COL4A1: variants seen among roughly 807,000 people sequenced by gnomAD.
COL4A1 encodes the protein collagen alpha-1(IV) chain.
Under a neutral mutation model 216.6 loss-of-function variants are expected in COL4A1, and 40 were observed. The observed-to-expected ratio is 0.18, with a 90% confidence interval of 0.14 to 0.24. COL4A1 has a LOEUF of 0.24. Ranked by LOEUF, COL4A1 falls within the 10% of genes least tolerant of loss-of-function variation. COL4A1 has a pLI of 1.00. For synonymous variants in COL4A1, 839 were observed against 810.7 expected, an observed-to-expected ratio of 1.03 and a Z score of -0.59; for missense variants, 1,628 against 2,196.8, an observed-to-expected ratio of 0.74 and a Z score of 5.18.
intron 1 of COL4A1, among the ~76,000 whole-genome samples, chr13:110,294,730 G>A (rs552097514): frequency 6.6e-6 from 1 of 152,300 alleles, no homozygotes; most frequent in East Asian, 1.9e-4. Flanking sequence ...AAATAGCAGA[G>A]AGGGATATCC....
chr13:110,180,846 C>T (rs1200116246), intron 29 of COL4A1, among the ~76,000 whole-genome samples: 1 of 152,152 alleles, frequency 6.6e-6, no homozygotes, highest in Admixed American at 6.5e-5. Context: ...AGGGCTGCTC[C>T]TGTCAAAAGC....
In COL4A1 at chr13:110,186,373, C is replaced by G; in HGVS notation, c.1897+12G>C. 6.2e-7 allele frequency: 1 copy of G among 1,612,782 alleles called. No homozygotes were observed. The highest frequency in any genetic ancestry group is 8.5e-7 in the Non-Finnish European group (1 of 1,180,032). Reference sequence around the variant, plus strand: ...CAACTTCATGCTGCATCACGAGTTTCTCAGGCCTCACCTGGCAGGCCTGGG... The same window carrying G: ...CAACTTCATGCTGCATCACGAGTTTGTCAGGCCTCACCTGGCAGGCCTGGG... On this transcript the variant is annotated intron_variant, in intron 26 of 51. Coordinates refer to ENST00000375820, the MANE Select transcript of COL4A1 (RefSeq NM_001845.6).
At chr13:110,270,615 G>A (rs956517784) in intron 1 of COL4A1, among the ~76,000 whole-genome samples, 1 of 152,158 alleles carries the variant, frequency 6.6e-6, no homozygotes, top group African/African-American at 2.4e-5. Context: ...GGGGCAGATG[G>A]GAACGAGGTC....
In COL4A1 at chr13:110,150,145, T is replaced by TCAAAA; in HGVS notation, c.*217_*218insTTTTG. The TCAAAA allele has an allele frequency of 1.7e-6, 1 of 601,052 alleles. No individual in the cohort carries two copies. The highest frequency in any genetic ancestry group is 1.9e-5 in the South Asian group (1 of 52,770). The allele number at this position is 601,052 out of a possible 1,614,324, so 37.2% of individuals were successfully genotyped here. On this transcript the variant is annotated 3_prime_UTR_variant, in exon 52 of 52. Coordinates refer to ENST00000375820, the MANE Select transcript of COL4A1 (RefSeq NM_001845.6). ...ATTTTATTTCATCAAAAGTGCCATT[T>TCAAAA]GGTATGCCACTATTGAAAGCTTATC...
intron 21 of COL4A1, among the ~76,000 whole-genome samples, chr13:110,196,493 T>C (rs962380456): frequency 1.3e-5 from 2 of 152,160 alleles, no homozygotes; most frequent in African/African-American, 2.4e-5. Flanking sequence ...CTCAAGAATA[T>C]TGAGAGACAT....
At chr13:110,291,057 G>C (rs368200997) in intron 1 of COL4A1, among the ~76,000 whole-genome samples, 6 of 152,232 alleles carry the variant, frequency 3.9e-5, no homozygotes, top group Non-Finnish European at 8.8e-5. Context: ...GTGCACAGAC[G>C]TGAGTGTCCT....
intron 2 of COL4A1, among the ~76,000 whole-genome samples, chr13:110,218,214 G>GCCCTATGACA (rs5806842): frequency 0.95 from 145,100 of 152,162 alleles, 69,526 homozygotes; most frequent in East Asian, 1. Context: ...ACTGTCAAAG[G>GCCCTATGACA]CCTGTTTCAG....
intron 1 of COL4A1, among the ~76,000 whole-genome samples, chr13:110,253,108 A>G (rs1437819531): frequency 7.5e-6 from 1 of 132,714 alleles, no homozygotes; most frequent in Non-Finnish European, 1.6e-5. Flanking sequence ...TATACATATA[A>G]CTATATGTAC....
intron 1 of COL4A1, among the ~76,000 whole-genome samples, chr13:110,253,382 T>C (rs1391747426): frequency 0.18 from 416 of 2,320 alleles, 49 homozygotes; most frequent in Non-Finnish European, 0.3. Flanking sequence ...TATAATTATA[T>C]GTATTACATA....
intron 1 of COL4A1, among the ~76,000 whole-genome samples, chr13:110,294,733 G>A (rs1286782341): frequency 6.6e-6 from 1 of 152,182 alleles, no homozygotes; most frequent in Non-Finnish European, 1.5e-5. Context: ...TAGCAGAGAG[G>A]GATATCCTTT....
intron 1 of COL4A1, among the ~76,000 whole-genome samples, chr13:110,278,230 T>G (rs1440440064): frequency 6.6e-6 from 1 of 152,222 alleles, no homozygotes; most frequent in Non-Finnish European, 1.5e-5. Context: ...GAGTTTTATA[T>G]TTTCTTCTCC....
At chr13:110,220,062 G>A (rs34966754) in intron 2 of COL4A1, among the ~76,000 whole-genome samples, 3 of 150,384 alleles carry the variant, frequency 2.0e-5, no homozygotes, top group African/African-American at 7.4e-5. Flanking sequence ...CTCAGCCTCC[G>A]CAGTAGCTGG....
chr13:110,291,660 C>A (rs1884094870), intron 1 of COL4A1, among the ~76,000 whole-genome samples: 1 of 152,192 alleles, frequency 6.6e-6, no homozygotes, highest in Non-Finnish European at 1.5e-5. Context: ...GTACATCGCA[C>A]CTTTTCATAA....
chr13:110,283,909 G>C (rs1295053320), intron 1 of COL4A1, among the ~76,000 whole-genome samples: 2 of 152,234 alleles, frequency 1.3e-5, no homozygotes, highest in African/African-American at 2.4e-5. Flanking sequence ...GGGAGATGAG[G>C]TGGCAAAAGC....
intron 1 of COL4A1, among the ~76,000 whole-genome samples, chr13:110,286,643 C>T (rs1283380542): frequency 6.6e-6 from 1 of 152,168 alleles, no homozygotes; most frequent in Admixed American, 6.5e-5. Context: ...TGGGTTACTT[C>T]GTGGGGCACT....
Position 110,192,819 on chromosome 13 carries a change from GT to G in COL4A1, c.1465+10del. The G allele has an allele frequency of 1.2e-6, 2 of 1,612,226 alleles. No homozygotes were observed. Among genetic ancestry groups the G allele is most frequent in the South Asian group, 2.2e-5 (2 of 91,030 alleles). On this transcript the variant is annotated intron_variant, in intron 23 of 51. Coordinates refer to ENST00000375820, the MANE Select transcript of COL4A1 (RefSeq NM_001845.6). ...AACTCTGACCTGGTCCTTTTCACATGTGGGTCTTACCTATTTCTCCCGGGGG... is the reference window on the plus strand; with the variant it reads ...AACTCTGACCTGGTCCTTTTCACATGGGGTCTTACCTATTTCTCCCGGGGG...
chr13:110,164,824 G>C lies in COL4A1; in HGVS notation c.4150+38C>G, dbSNP rs1816884. On this transcript the variant is annotated intron_variant, in intron 46 of 51. Coordinates refer to ENST00000375820, the MANE Select transcript of COL4A1 (RefSeq NM_001845.6). ...GGAACTCTGACCACTGCCCCTCTGG[G>C]CTCCCCATACCGCCCTGCACAGGCC... The C allele has an allele frequency of 0.37, 600,870 of 1,607,758 alleles. 116,423 individuals carry two copies. The highest frequency in any genetic ancestry group is 0.7 in the East Asian group (31,143 of 44,672).
chr13:110,227,060 T>C (rs1316057369), intron 2 of COL4A1, among the ~76,000 whole-genome samples: 2 of 152,218 alleles, frequency 1.3e-5, no homozygotes, highest in Non-Finnish European at 2.9e-5. Context: ...GGCCCAATTA[T>C]TTAAAAATTT....
At chr13:110,302,042 A>G (rs565905532) in intron 1 of COL4A1, among the ~76,000 whole-genome samples, 2 of 152,198 alleles carry the variant, frequency 1.3e-5, no homozygotes, top group South Asian at 4.1e-4. Flanking sequence ...ATGAGGGTTC[A>G]GTGGTGATCC....
Sources: allele counts gnomAD v4.1 joint callset (sites outside exome capture counted in the v4.1 genomes callset), GRCh38; gene constraint gnomAD v4.1.1; transcripts MANE v1.5; gene names NCBI Gene and HGNC (gene_info 2026-07-23, HGNC 2026-07-21).